Variants in GOLIM4 observed in about 807,000 individuals in gnomAD.
The protein encoded by GOLIM4 is golgi integral membrane protein 4, also known as 130 kDa golgi-localized phosphoprotein.
GOLIM4 carries 71 observed loss-of-function variants against 107.4 expected under a neutral mutation model. The ratio of observed to expected loss-of-function variants is 0.66; its 90% CI spans 0.55 to 0.81. GOLIM4 has a LOEUF of 0.81. Ranked by LOEUF, GOLIM4 falls within the 30% of genes least tolerant of loss-of-function variation. The pLI, the probability that GOLIM4 is intolerant of heterozygous loss-of-function variation, is 0.00. For synonymous variants in GOLIM4, 327 were observed against 294.8 expected (o/e 1.11, Z -1.12); for missense variants, 830 against 826.1 (o/e 1.00, Z -0.06).
chr3:168,036,928 C>G lies in GOLIM4; in HGVS notation c.751G>C (p.Asp251His). Residue 251 changes from aspartate (D) to histidine (H), a missense_variant, in exon 8 of 16, where the codon GAT becomes CAT. Transcript: ENST00000470487. Reference sequence around the variant, plus strand: ...GTCACATTTTGCTGTTCTGCTGGATCAGGTTTTCGAAGGCTTGGAATCCTA... The same window carrying G: ...GTCACATTTTGCTGTTCTGCTGGATGAGGTTTTCGAAGGCTTGGAATCCTA... ...LNRIPSLRKPDPAEQQNVTQV... is the reference protein window; with the variant it reads ...LNRIPSLRKPHPAEQQNVTQV... The G allele has an allele frequency of 6.3e-7, 1 of 1,587,346 alleles. No homozygotes were observed. The highest frequency in any genetic ancestry group is 8.6e-7 in the Non-Finnish European group (1 of 1,164,876).
intron 1 of GOLIM4, among the ~76,000 whole-genome samples, chr3:168,077,971 ATATTTATT>A (rs1175431434): frequency 1.3e-5 from 2 of 151,864 alleles, no homozygotes; most frequent in African/African-American, 2.4e-5. Flanking sequence ...TACTCTAGAT[ATATTTATT>A]TATTTATTTA....
At chr3:168,032,908 T>A in intron 8 of GOLIM4, 56 bp from the exon 9 acceptor site, 1 of 1,336,280 alleles carries the variant, frequency 7.5e-7, no homozygotes, top group Non-Finnish European at 1.0e-6. Flanking sequence ...AGTAATGATG[T>A]AATTTCTTGA....
chr3:168,025,667 C>G (rs1422579477), intron 12 of GOLIM4, among the ~76,000 whole-genome samples: 5 of 152,122 alleles, frequency 3.3e-5, no homozygotes, highest in African/African-American at 4.8e-5. Flanking sequence ...GATCCAATTT[C>G]TTTATTAACA....
chr3:168,029,725 C>T (rs1718198504), intron 10 of GOLIM4, 55 bp downstream of exon 10: 6 of 1,583,444 alleles, frequency 3.8e-6, no homozygotes, highest in South Asian at 3.4e-5. Flanking sequence ...TTTTAATTTG[C>T]GTATGAAAAC....
chr3:168,093,595 A>G (rs1722014360), intron 1 of GOLIM4, among the ~76,000 whole-genome samples: 1 of 152,214 alleles, frequency 6.6e-6, no homozygotes, highest in South Asian at 2.1e-4. Flanking sequence ...GGAACTTCAC[A>G]GGGAAGCAAC....
At chr3:168,029,708 A>G (rs1718197965) in intron 10 of GOLIM4, 72 bp downstream of exon 10, 3 of 1,558,654 alleles carry the variant, frequency 1.9e-6, no homozygotes, top group Middle Eastern at 2.3e-4. Flanking sequence ...CAAATGCACA[A>G]AACTGTTTTT....
At chr3:168,046,344 C>T (rs1028004885) in intron 3 of GOLIM4, among the ~76,000 whole-genome samples, 10 of 151,694 alleles carry the variant, frequency 6.6e-5, no homozygotes, top group Admixed American at 5.3e-4. Context: ...GGGTGTTTCT[C>T]GCAGAGGGGG....
At chr3:168,023,550 C>G (rs1481945405) in intron 14 of GOLIM4, among the ~76,000 whole-genome samples, 1 of 152,206 alleles carries the variant, frequency 6.6e-6, no homozygotes, top group East Asian at 1.9e-4. Context: ...CTCATGATTT[C>G]TGCACAGGAT....
At position 168,029,887 on chromosome 3, in the gene GOLIM4, G is replaced by T. The variant is rs1245504359; in HGVS notation, c.1326C>A (p.His442Gln). The change falls in exon 10 of 16, where the codon CAC (histidine) becomes CAA (glutamine). Residue 442 changes from histidine (H) to glutamine (Q), a missense_variant. By Grantham distance (24) the His-to-Gln change is conservative. Coordinates refer to ENST00000470487, the MANE Select transcript of GOLIM4 (RefSeq NM_014498.5). ...EALHQQRLQG[H>Q]LLRQQEQQQQ... ...GCTGCTGTTCCTGCTGCCGTAGTAA[G>T]TGCCCCTGCAGCCTCTGCTGGTGCA... 6.2e-7 allele frequency: 1 copy of T among 1,614,076 alleles called. No individual in the cohort carries two copies. Among genetic ancestry groups the T allele is most frequent in the East Asian group, 2.2e-5 (1 of 44,878 alleles).
At chr3:168,083,041 T>C (rs918933117) in intron 1 of GOLIM4, among the ~76,000 whole-genome samples, 1 of 152,200 alleles carries the variant, frequency 6.6e-6, no homozygotes, top group African/African-American at 2.4e-5. Flanking sequence ...TAAACTATGT[T>C]TAGGTGAATG....
At chr3:168,042,435 G>A (rs9874853) in intron 5 of GOLIM4, among the ~76,000 whole-genome samples, 14,169 of 152,052 alleles carry the variant, frequency 0.093, 2,203 homozygotes, top group African/African-American at 0.32. Context: ...CATGTGCCAC[G>A]ATGCCCGGCT....
intron 14 of GOLIM4, among the ~76,000 whole-genome samples, chr3:168,017,146 T>C (rs1280347842): frequency 6.6e-6 from 1 of 152,206 alleles, no homozygotes; most frequent in Non-Finnish European, 1.5e-5. Context: ...ATCTGAATAA[T>C]GGTTAAAATT....
intron 14 of GOLIM4, among the ~76,000 whole-genome samples, 162 bp downstream of exon 14, chr3:168,024,364 C>T (rs1274328810): frequency 6.6e-6 from 1 of 152,196 alleles, no homozygotes; most frequent in Non-Finnish European, 1.5e-5. Flanking sequence ...GTCTCCAGTG[C>T]CATGATCCAT....
rs1716830181 is a variant in GOLIM4 at position 168,008,997 on chromosome 3, T to C, written c.*1272A>G. On this transcript the variant is annotated 3_prime_UTR_variant, in exon 16 of 16. Coordinates refer to ENST00000470487, the MANE Select transcript of GOLIM4 (RefSeq NM_014498.5). ...AAAAAATAAAATTACGTTCATACAA[T>C]GGTAGAAAATGAAATGTTTTTATTA... The C allele has an allele frequency of 6.6e-6, 1 of 152,030 alleles. No homozygotes were observed. Among genetic ancestry groups the C allele is most frequent in the African/African-American group, 2.4e-5 (1 of 41,416 alleles). The allele number at this position is 152,030 out of a possible 1,614,324, so 9.4% of individuals were successfully genotyped here.
In GOLIM4 at chr3:168,009,373, T is replaced by C. The variant is rs1019238963; in HGVS notation, c.*896A>G. On this transcript the variant is annotated 3_prime_UTR_variant, in exon 16 of 16. Coordinates refer to ENST00000470487, the MANE Select transcript of GOLIM4 (RefSeq NM_014498.5). ...AGGCACAGAGCTTAAAGAGGAAATA[T>C]ATATTACTTATAGGGAACCAGACAC... The C allele has an allele frequency of 7.4e-6, 1 of 134,582 alleles. No individual in the cohort carries two copies. The highest frequency in any genetic ancestry group is 1.5e-5 in the Non-Finnish European group (1 of 65,258). 8.3% of individuals were successfully genotyped at this position (134,582 alleles called of 1,614,324 possible).
chr3:168,070,164 T>C (rs1720762308), intron 1 of GOLIM4, among the ~76,000 whole-genome samples: 1 of 152,124 alleles, frequency 6.6e-6, no homozygotes, highest in African/African-American at 2.4e-5. Context: ...GAGGCCTAGG[T>C]GGGCGGATCA....
rs554994766 is a variant in GOLIM4, at chr3:168,010,076, T to C, written c.*193A>G. 4.7e-6 allele frequency: 2 copies of C among 425,508 alleles called. No individual in the cohort carries two copies. The highest frequency in any genetic ancestry group is 2.0e-5 in the African/African-American group (1 of 48,922). The allele number at this position is 425,508 out of a possible 1,614,324, so 26.4% of individuals were successfully genotyped here. A position where few individuals can be genotyped will look rare whatever the true frequency, so the allele number is the denominator to read the frequency against. On this transcript the variant is annotated 3_prime_UTR_variant, in exon 16 of 16. Coordinates refer to ENST00000470487, the MANE Select transcript of GOLIM4 (RefSeq NM_014498.5). ...TTCTTTTTCATGTTTAGCTTGAATATAAAAGAAGCTCTAGACCTACGTTAT... is the reference window on the plus strand; with the variant it reads ...TTCTTTTTCATGTTTAGCTTGAATACAAAAGAAGCTCTAGACCTACGTTAT...
At chr3:168,076,450 T>C (rs575429578) in intron 1 of GOLIM4, among the ~76,000 whole-genome samples, 1 of 152,314 alleles carries the variant, frequency 6.6e-6, no homozygotes, top group African/African-American at 2.4e-5. Context: ...TCCCAGCACT[T>C]TGGGAGGCCA....
At chr3:168,021,070 T>C (rs1330515258) in intron 14 of GOLIM4, among the ~76,000 whole-genome samples, 2 of 152,214 alleles carry the variant, frequency 1.3e-5, no homozygotes, top group African/African-American at 4.8e-5. Context: ...GTTCTAGGCA[T>C]TTTAGAAATG....
Sources: allele counts gnomAD v4.1 joint callset (sites outside exome capture counted in the v4.1 genomes callset), GRCh38; gene constraint gnomAD v4.1.1; transcripts MANE v1.5; gene names NCBI Gene and HGNC (gene_info 2026-07-23, HGNC 2026-07-21).